The following ERAP1 variants were observed in gnomAD, a reference collection of about 807,000 sequenced individuals.
ERAP1 encodes the protein endoplasmic reticulum aminopeptidase 1.
A neutral mutation model predicts 103.7 loss-of-function variants in ERAP1; 86 were observed. The ratio of observed to expected loss-of-function variants is 0.83; its 90% CI spans 0.70 to 0.99. The LOEUF (loss-of-function observed/expected upper bound fraction) is 0.99, where lower values mean the gene tolerates loss of function less well. ERAP1 is among the 50% of genes least tolerant of loss of function. The pLI, the probability that ERAP1 is intolerant of heterozygous loss-of-function variation, is 0.00. For synonymous variants in ERAP1, 398 were observed against 402.4 expected (o/e 0.99, Z 0.13); for missense variants, 1,009 against 1,128.4 (o/e 0.89, Z 1.52).
chr5:96,883,640 C>A, the ERAP1 span: 1 of 749,986 alleles, frequency 1.3e-6, no homozygotes, highest in Non-Finnish European at 2.1e-6. Context: ...CCTTCATTTT[C>A]CTCAAAGAGA....
intron 1 of ERAP1, among the ~76,000 whole-genome samples, chr5:96,806,623 C>CTTTTTT (rs75649816): frequency 3.9e-5 from 5 of 128,016 alleles, no homozygotes; most frequent in East Asian, 2.3e-4. Flanking sequence ...CAAGATCCCT[C>CTTTTTT]TTTTTTTTTT....
In ERAP1 at chr5:96,775,294, T is replaced by TC. The variant is rs1388835555; in HGVS notation, c.*1101_*1102insG. 1.0e-6 allele frequency: 1 copy of TC among 985,392 alleles called. No individual in the cohort carries two copies. The highest frequency in any genetic ancestry group is 1.7e-5 in the African/African-American group (1 of 57,232). 61.0% of individuals were successfully genotyped at this position (985,392 alleles called of 1,614,324 possible). A position where few individuals can be genotyped will look rare whatever the true frequency, so the allele number is the denominator to read the frequency against. On this transcript the variant is annotated 3_prime_UTR_variant, in exon 19 of 19. Coordinates refer to ENST00000443439, the MANE Select transcript of ERAP1 (RefSeq NM_001040458.3). ...AAAGAAAGACTTCAAAGCCAAAGAA[T>TC]GTCCTATTTGCTAATATGAGCAAAT...
At chr5:96,915,774 G>A in the ERAP1 span, 3 of 1,587,224 alleles carry the variant, frequency 1.9e-6, no homozygotes, top group South Asian at 3.5e-5. Flanking sequence ...CAAGAGGTTT[G>A]TGACTTTCTG....
chr5:96,855,687 C>T, the ERAP1 span, among the ~76,000 whole-genome samples: 1 of 152,106 alleles, frequency 6.6e-6, no homozygotes, highest in South Asian at 2.1e-4. Flanking sequence ...CTTTGGCCAC[C>T]GTTGGATCAT....
chr5:96,808,545 T>C (rs932635656), upstream of ERAP1, among the ~76,000 whole-genome samples: 1 of 152,060 alleles, frequency 6.6e-6, no homozygotes, highest in African/African-American at 2.4e-5. Context: ...CGGTAGAGAA[T>C]GACTACAGTG....
the ERAP1 span, chr5:96,886,740 T>G: frequency 6.5e-7 from 1 of 1,539,144 alleles, no homozygotes; most frequent in African/African-American, 1.4e-5. Flanking sequence ...GTAGCCTACA[T>G]AGTTTGTGAT....
chr5:96,831,617 C>T, the ERAP1 span, among the ~76,000 whole-genome samples: 11 of 152,174 alleles, frequency 7.2e-5, no homozygotes, highest in African/African-American at 2.7e-4. Context: ...GATACAATCC[C>T]CAAGGGTCTT....
At chr5:96,916,063 A>G in the ERAP1 span, among the ~76,000 whole-genome samples, 2 of 152,044 alleles carry the variant, frequency 1.3e-5, no homozygotes, top group Non-Finnish European at 2.9e-5. Flanking sequence ...TCTAATAAAA[A>G]TACAAAAATT....
upstream of ERAP1, among the ~76,000 whole-genome samples, chr5:96,811,132 T>C (rs928383229): frequency 1.3e-5 from 2 of 152,222 alleles, no homozygotes; most frequent in Non-Finnish European, 2.9e-5. Flanking sequence ...ATGCCCCTCA[T>C]TCTTGATATT....
the ERAP1 span, chr5:96,823,164 G>A: frequency 6.6e-6 from 3 of 455,622 alleles, no homozygotes; most frequent in Non-Finnish European, 8.8e-6. Context: ...ATTAGGGTGA[G>A]CCTTACAATC....
the ERAP1 span, among the ~76,000 whole-genome samples, chr5:96,836,176 G>GTTTTTT: frequency 1.8e-4 from 19 of 106,656 alleles, no homozygotes; most frequent in Admixed American, 2.1e-4. Flanking sequence ...CACCTCTTTG[G>GTTTTTT]TTTTTTTTTT....
chr5:96,901,365 A>C, the ERAP1 span: 1 of 898,356 alleles, frequency 1.1e-6, no homozygotes, highest in Non-Finnish European at 1.7e-6. Context: ...AGTTGCCTGG[A>C]TTACCCTTCC....
chr5:96,890,699 A>C, the ERAP1 span, among the ~76,000 whole-genome samples: 1 of 152,284 alleles, frequency 6.6e-6, no homozygotes, highest in South Asian at 2.1e-4. Context: ...ATCAATTGGC[A>C]TACAGTTCCA....
At chr5:96,791,156 G>A (rs1447780361) in intron 8 of ERAP1, among the ~76,000 whole-genome samples, 1 of 152,196 alleles carries the variant, frequency 6.6e-6, no homozygotes, top group Non-Finnish European at 1.5e-5. Context: ...GAGTCACAAT[G>A]AGAAAGGGAA....
At chr5:96,874,536 C>G in the ERAP1 span, among the ~76,000 whole-genome samples, 1 of 152,194 alleles carries the variant, frequency 6.6e-6, no homozygotes, top group East Asian at 1.9e-4. Flanking sequence ...TCGTCTTTGT[C>G]CCCTTCTTTT....
rs552490942 is a variant in ERAP1, at chr5:96,804,731, A to G, written c.-17-788T>C. ...GGGAGGATGAGGTGGGCAGATCACA[A>G]GGTCAACAGATTGAGACCATCCTGG... On this transcript the variant is annotated intron_variant, in intron 1 of 18. Coordinates refer to ENST00000443439, the MANE Select transcript of ERAP1 (RefSeq NM_001040458.3). The G allele has an allele frequency of 7.9e-4, 121 of 152,600 alleles. 2 individuals are homozygous for G. The South Asian group carries it at 0.022, about 28-fold the overall frequency. 9.5% of individuals were successfully genotyped at this position (152,600 alleles called of 1,614,324 possible).
chr5:96,920,685 C>T, the ERAP1 span, among the ~76,000 whole-genome samples: 1 of 152,198 alleles, frequency 6.6e-6, no homozygotes, highest in Non-Finnish European at 1.5e-5. Flanking sequence ...CATGTAACCA[C>T]GTATCACTAT....
At chr5:96,853,850 T>TAAAA in the ERAP1 span, among the ~76,000 whole-genome samples, 3,051 of 143,736 alleles carry the variant, frequency 0.021, 114 homozygotes, top group African/African-American at 0.071. Context: ...TTAAAAGTTC[T>TAAAA]AAAAAAAAAA....
chr5:96,886,775 T>G, the ERAP1 span: 231 of 1,505,604 alleles, frequency 1.5e-4, no homozygotes, highest in Non-Finnish European at 1.9e-4. Context: ...TGGCTTCACT[T>G]CATCAGGGGT....
Sources: allele counts gnomAD v4.1 joint callset (sites outside exome capture counted in the v4.1 genomes callset), GRCh38; gene constraint gnomAD v4.1.1; transcripts MANE v1.5; gene names NCBI Gene and HGNC (gene_info 2026-07-23, HGNC 2026-07-21).